The following PRR11 variants were observed in gnomAD, a reference collection of about 807,000 sequenced individuals.
The protein encoded by PRR11 is proline rich 11, also known as proline-rich protein 11.
PRR11 carries 30 observed loss-of-function variants against 45.6 expected under a neutral mutation model. The ratio of observed to expected loss-of-function variants is 0.66; its 90% CI spans 0.49 to 0.89. The LOEUF is 0.89. Among genes scored for constraint, PRR11 ranks in the 40% least tolerant of loss-of-function variants. The pLI is 0.00. For synonymous variants in PRR11, 128 were observed against 153.5 expected (o/e 0.83, Z 1.23); for missense variants, 373 against 424.8 (o/e 0.88, Z 1.07).
chr17:59,191,065 G>A (rs1018114658), intron 4 of PRR11, among the ~76,000 whole-genome samples: 4 of 152,100 alleles, frequency 2.6e-5, no homozygotes, highest in Non-Finnish European at 5.9e-5. Flanking sequence ...GGCCTATTGC[G>A]AGACACTGAT....
At chr17:59,195,024 G>T (rs539290732) in intron 6 of PRR11, among the ~76,000 whole-genome samples, 169 bp downstream of exon 6, 18 of 152,248 alleles carry the variant, frequency 1.2e-4, no homozygotes, top group African/African-American at 4.3e-4. Flanking sequence ...TATACAATTG[G>T]GGTCGGGGGT....
At chr17:59,177,164 C>G (rs1247517705) in intron 2 of PRR11, 1 of 550,410 alleles carries the variant, frequency 1.8e-6, no homozygotes, top group African/African-American at 1.9e-5. Flanking sequence ...AAGCAAACCA[C>G]TCACAGAGCC....
At chr17:59,193,349 T>C (rs1022108308) in intron 4 of PRR11, 143 bp from the exon 5 acceptor site, 2 of 1,059,840 alleles carry the variant, frequency 1.9e-6, no homozygotes, top group Non-Finnish European at 2.7e-6. Context: ...AAGAAACTTA[T>C]GATTATAAAT....
At chr17:59,175,602 G>A (rs968636002) in intron 2 of PRR11, among the ~76,000 whole-genome samples, 8 of 152,312 alleles carry the variant, frequency 5.3e-5, no homozygotes, top group East Asian at 1.9e-4. Context: ...AATCAGCCTG[G>A]TGTGGTGGCA....
chr17:59,161,403 T>C (rs1599689166), intron 1 of PRR11, among the ~76,000 whole-genome samples: 1 of 114,518 alleles, frequency 8.7e-6, no homozygotes, highest in African/African-American at 3.7e-5. Flanking sequence ...AGAGCGAGAC[T>C]CCGTCTCAAA....
intron 1 of PRR11, among the ~76,000 whole-genome samples, chr17:59,158,735 T>A (rs1024469156): frequency 6.6e-6 from 1 of 151,918 alleles, no homozygotes; most frequent in Non-Finnish European, 1.5e-5. Flanking sequence ...AAGACAAAAA[T>A]GAAAAAAGTG....
At chr17:59,197,476 C>T in intron 7 of PRR11, 68 bp from the exon 8 acceptor site, 1 of 1,383,894 alleles carries the variant, frequency 7.2e-7, no homozygotes, top group Non-Finnish European at 1.0e-6. Flanking sequence ...TGGTCTTGAT[C>T]TCCTGACCTT....
chr17:59,164,640 A>G (rs2046670148), intron 1 of PRR11, among the ~76,000 whole-genome samples: 1 of 152,244 alleles, frequency 6.6e-6, no homozygotes, highest in East Asian at 1.9e-4. Flanking sequence ...GCATTTGTCT[A>G]TAGAAGGTCC....
At position 59,169,893 on chromosome 17, in the gene PRR11, G is replaced by A. The variant is rs1163308930; in HGVS notation, c.128+13G>A. On this transcript the variant is annotated intron_variant, in intron 2 of 9. Transcript: ENST00000262293. ...CCTCACCAGAAAGGTAAGGCTTAAT[G>A]TGGAACAGAAAAAATATTAGAGAGA... 1.3e-5 allele frequency: 21 copies of A among 1,581,578 alleles called. No homozygotes were observed. The highest frequency in any genetic ancestry group is 1.8e-5 in the Non-Finnish European group (21 of 1,171,190).
At chr17:59,164,400 T>A (rs1298805707) in intron 1 of PRR11, among the ~76,000 whole-genome samples, 1 of 152,086 alleles carries the variant, frequency 6.6e-6, no homozygotes, top group Non-Finnish European at 1.5e-5. Flanking sequence ...TATAGAATTC[T>A]ATGATGGGGC....
rs749202998 is a variant in PRR11, at chr17:59,201,652, A to G, written c.*21A>G. On this transcript the variant is annotated 3_prime_UTR_variant, in exon 10 of 10. Transcript: ENST00000262293. The stretch of plus-strand genomic sequence containing the variant: ...ACTGATGCCAACTCTGCCTCACTCC[A>G]TGAGATGATCCATAACAAATACAGA... The G allele has an allele frequency of 1.9e-5, 30 of 1,609,478 alleles. No homozygotes were observed. In the South Asian group the frequency reaches 3.1e-4, roughly 17 times the overall value.
chr17:59,177,964 T>C (rs1261539781), intron 2 of PRR11, among the ~76,000 whole-genome samples: 1 of 148,304 alleles, frequency 6.7e-6, no homozygotes, highest in Non-Finnish European at 1.5e-5. Flanking sequence ...ATCATGCCAC[T>C]GCACTCCATC....
intron 2 of PRR11, among the ~76,000 whole-genome samples, chr17:59,181,279 C>T (rs1415720997): frequency 6.6e-5 from 10 of 151,898 alleles, no homozygotes; most frequent in South Asian, 4.1e-4. Context: ...TGAGCCACAG[C>T]GCCCAGCCCA....
intron 2 of PRR11, among the ~76,000 whole-genome samples, chr17:59,175,691 G>A (rs552765212): frequency 3.3e-5 from 5 of 152,230 alleles, no homozygotes; most frequent in East Asian, 1.9e-4. Flanking sequence ...GCAGTGAGCC[G>A]AGATTGGGCC....
Position 59,201,679 on chromosome 17 carries a change from A to G in PRR11, c.*48A>G. On this transcript the variant is annotated 3_prime_UTR_variant, in exon 10 of 10. Coordinates refer to ENST00000262293, the MANE Select transcript of PRR11 (RefSeq NM_018304.4). ...GAGATGATCCATAACAAATACAGAT[A>G]AAAACACCCAGCTGGGTGCAGTGGC... 3 of 1,586,724 alleles carry G rather than the reference A, an allele frequency of 1.9e-6. No individual in the cohort carries two copies. Among genetic ancestry groups the G allele is most frequent in the Non-Finnish European group, 2.6e-6 (3 of 1,156,770 alleles).
intron 2 of PRR11, chr17:59,177,342 G>A (rs879379736): frequency 9.3e-6 from 5 of 538,322 alleles, no homozygotes; most frequent in Non-Finnish European, 1.9e-5. Context: ...GTCTAGGGAG[G>A]GTTTGCCCAT....
In PRR11 at chr17:59,205,835, C is replaced by T. The variant is rs1016290679; in HGVS notation, c.*4204C>T. ...CCGAGGTGGGTGTATCACTTGAGGT[C>T]AGGAGTTTGAGACCAGCCTGGCCAA... On this transcript the variant is annotated 3_prime_UTR_variant, in exon 10 of 10. Transcript: ENST00000262293. Among the ~76,000 whole-genome samples the T allele has an allele frequency of 1.3e-5, 2 of 151,602 alleles. No homozygotes were observed. The highest frequency in any genetic ancestry group is 1.3e-4 in the Admixed American group (2 of 15,188).
intron 2 of PRR11, among the ~76,000 whole-genome samples, chr17:59,174,572 C>T (rs2046731752): frequency 6.6e-6 from 1 of 152,180 alleles, no homozygotes; most frequent in Non-Finnish European, 1.5e-5. Flanking sequence ...ACCTCCCAGG[C>T]TCCAGTGATC....
intron 1 of PRR11, among the ~76,000 whole-genome samples, chr17:59,161,340 G>A (rs1375667635): frequency 6.7e-6 from 1 of 150,288 alleles, no homozygotes; most frequent in East Asian, 2.0e-4. Context: ...TCGGGAGGCA[G>A]AGGTTGCAGT....
Sources: gnomAD v4.1 joint callset for allele counts (sites outside exome capture counted in the v4.1 genomes callset) on GRCh38, gnomAD v4.1.1 for gene constraint, MANE v1.5 for transcripts, NCBI Gene and HGNC (gene_info 2026-07-23, HGNC 2026-07-21) for gene names.